The following CLCN5 variants were observed in gnomAD, a reference collection of about 807,000 sequenced individuals.
CLCN5 encodes Cl-/H+ antiporter 5.
CLCN5 carries 17 observed loss-of-function variants against 54.0 expected under a neutral mutation model. The ratio of observed to expected loss-of-function variants is 0.31; its 90% CI spans 0.22 to 0.47. The LOEUF (loss-of-function observed/expected upper bound fraction) is 0.47. CLCN5 is among the 20% of genes least tolerant of loss of function. CLCN5 has a pLI of 1.00. For synonymous variants in CLCN5, 222 were observed against 233.0 expected, an observed-to-expected ratio of 0.95 and a Z score of 0.43; for missense variants, 448 against 646.7, an observed-to-expected ratio of 0.69 and a Z score of 3.33.
intron 3 of CLCN5, among the ~76,000 whole-genome samples, chrX:49,947,289 T>C (rs1399940943): frequency 9.0e-6 from 1 of 111,292 alleles, no homozygotes; most frequent in Non-Finnish European, 1.9e-5. Flanking sequence ...ATTCATTGTG[T>C]GGGGCCTTCC....
chrX:49,928,857 G>A (rs991244798), intron 3 of CLCN5, among the ~76,000 whole-genome samples: 11 of 111,232 alleles, frequency 9.9e-5, no homozygotes, highest in Non-Finnish European at 7.6e-5. Flanking sequence ...CCCAGGAGGC[G>A]GAGCTTGCAG....
At chrX:49,968,986 AT>A (rs1338600134) in intron 3 of CLCN5, among the ~76,000 whole-genome samples, 3 of 108,733 alleles carry the variant, frequency 2.8e-5, no homozygotes, top group Non-Finnish European at 5.7e-5. Flanking sequence ...TTAATATTTT[AT>A]TTTTTTTTCT....
chrX:50,060,148 G>T (rs1159143118), intron 4 of CLCN5, among the ~76,000 whole-genome samples: 6 of 109,830 alleles, frequency 5.5e-5, no homozygotes. Flanking sequence ...GTCACGGGGG[G>T]AGGAGCCAAG....
At chrX:50,041,872 C>T (rs574597791) in intron 3 of CLCN5, among the ~76,000 whole-genome samples, 1 of 112,187 alleles carries the variant, frequency 8.9e-6, no homozygotes, top group South Asian at 3.7e-4. Flanking sequence ...AGATGTCCAT[C>T]AGCTGATGAA....
Position 49,974,947 on chromosome X carries a change from T to A in CLCN5, c.16+49633T>A, listed in dbSNP as rs182694529. 4.7e-3 allele frequency among the ~76,000 whole-genome samples: 524 copies of A among 112,013 alleles called. 5 individuals are homozygous for A. The highest frequency in any genetic ancestry group is 0.016 in the African/African-American group (494 of 30,803). On this transcript the variant is annotated intron_variant, in intron 3 of 14. Coordinates refer to ENST00000376091, the MANE Select transcript of CLCN5 (RefSeq NM_001127898.4). Reference sequence around the variant, plus strand: ...AATTTGAGGACATAATTCATTCAGCTGATATTTCATTGGCTTCTTTATACA... The same window carrying A: ...AATTTGAGGACATAATTCATTCAGCAGATATTTCATTGGCTTCTTTATACA...
At chrX:49,960,527 T>C (rs936779957) in intron 3 of CLCN5, among the ~76,000 whole-genome samples, 2 of 108,825 alleles carry the variant, frequency 1.8e-5, no homozygotes, top group African/African-American at 6.7e-5. Flanking sequence ...TCTAGTTATA[T>C]AGATTACCTG....
intron 3 of CLCN5, among the ~76,000 whole-genome samples, chrX:49,946,794 C>T (rs1360983462): frequency 1.8e-5 from 2 of 110,106 alleles, no homozygotes; most frequent in East Asian, 5.7e-4. Context: ...CTGAATCAGG[C>T]TAATTGAAGA....
In CLCN5 at chrX:50,086,762, T is replaced by C; in HGVS notation, c.1449T>C (p.Gly483=). The part of the protein sequence containing the change: ...YENRFNTSKG[G]ELPDRPAGVG... ...ACCGTTTCAACACAAGCAAAGGGGG[T>C]GAACTGCCTGACAGACCGGCTGGCG... The change falls in exon 11 of 15, where the codon GGT becomes GGC. Residue 483 remains glycine, a synonymous_variant. Transcript: ENST00000376091. 1 of 1,210,488 alleles carries C rather than the reference T, an allele frequency of 8.3e-7. No individual in the cohort carries two copies. Among genetic ancestry groups the C allele is most frequent in the Non-Finnish European group, 1.1e-6 (1 of 895,242 alleles).
At chrX:50,066,199 G>C (rs1557190825) in intron 4 of CLCN5, among the ~76,000 whole-genome samples, 1 of 79,684 alleles carries the variant, frequency 1.3e-5, no homozygotes, top group South Asian at 5.0e-4. Context: ...AGAAATTCCA[G>C]AGCAAAAAAA....
intron 6 of CLCN5, among the ~76,000 whole-genome samples, chrX:50,074,871 A>G (rs1933348382): frequency 8.9e-6 from 1 of 111,785 alleles, no homozygotes; most frequent in Non-Finnish European, 1.9e-5. Context: ...CTATTTCCCT[A>G]AAGCATGATT....
At chrX:50,067,843 A>G (rs1191518961) in intron 4 of CLCN5, 1 of 412,311 alleles carries the variant, frequency 2.4e-6, no homozygotes, top group Non-Finnish European at 3.0e-6. Context: ...AGTCTGTTGT[A>G]GGATTCTAAT....
intron 3 of CLCN5, among the ~76,000 whole-genome samples, chrX:49,960,238 C>G (rs1231443599): frequency 2.7e-5 from 3 of 111,112 alleles, no homozygotes; most frequent in Non-Finnish European, 5.7e-5. Flanking sequence ...TGCCAATCTC[C>G]AGACCTAGAT....
At chrX:50,089,720 G>A (rs1465454161) in intron 12 of CLCN5, among the ~76,000 whole-genome samples, 1 of 110,674 alleles carries the variant, frequency 9.0e-6, no homozygotes, top group Non-Finnish European at 1.9e-5. Flanking sequence ...ACCCCAATTC[G>A]ACAAAAAATA....
intron 3 of CLCN5, among the ~76,000 whole-genome samples, chrX:49,970,741 T>G (rs1928164804): frequency 8.9e-6 from 1 of 111,860 alleles, no homozygotes; most frequent in Non-Finnish European, 1.9e-5. Flanking sequence ...TGTTTTTGGG[T>G]GGACATATAT....
intron 4 of CLCN5, chrX:50,067,662 G>C (rs1933076648): frequency 1.3e-5 from 10 of 753,493 alleles, no homozygotes; most frequent in Non-Finnish European, 1.6e-5. Context: ...CTTCAGACTG[G>C]GGCTTCTTTT....
chrX:50,077,812 C>CAAAAAAAAAAAAAAA (rs35768604), intron 7 of CLCN5, among the ~76,000 whole-genome samples: 2 of 22,332 alleles, frequency 9.0e-5, no homozygotes, highest in Non-Finnish European at 6.8e-5. Flanking sequence ...CCTGTCTCTA[C>CAAAAAAAAAAAAAAA]AAAAAAAAAA....
chrX:50,079,391 G>A (rs1325920346), intron 7 of CLCN5, among the ~76,000 whole-genome samples: 1 of 111,693 alleles, frequency 9.0e-6, no homozygotes, highest in Non-Finnish European at 1.9e-5. Context: ...AAGTCCATTG[G>A]GTTTTGTATT....
At chrX:49,955,349 C>G (rs1927263591) in intron 3 of CLCN5, among the ~76,000 whole-genome samples, 1 of 110,393 alleles carries the variant, frequency 9.1e-6, no homozygotes, top group Non-Finnish European at 1.9e-5. Flanking sequence ...ATACACATAT[C>G]TGTAGACACC....
Position 50,086,830 on chromosome X carries a change from T to C in CLCN5, c.1517T>C (p.Ile506Thr), listed in dbSNP as rs782122886. 1.7e-6 allele frequency: 2 copies of C among 1,211,315 alleles called. No homozygotes were observed. The highest frequency in any genetic ancestry group is 2.3e-4 in the Middle Eastern group (1 of 4,316). The change falls in exon 11 of 15, where the codon ATA (isoleucine) becomes ACA (threonine). Residue 506 changes from isoleucine (I) to threonine (T), a missense_variant. Ile to Thr is a moderately conservative substitution (Grantham distance 89). Transcript: ENST00000376091. The part of the protein sequence containing the change: ...SAMWQLALTL[I>T]LKIVITIFTF... ...ATGTGGCAGCTGGCTTTAACACTCATACTGAAAATTGTCATTACTATATTC... is the reference window on the plus strand; with the variant it reads ...ATGTGGCAGCTGGCTTTAACACTCACACTGAAAATTGTCATTACTATATTC...
Sources: gnomAD v4.1 joint callset for allele counts (sites outside exome capture counted in the v4.1 genomes callset) on GRCh38, gnomAD v4.1.1 for gene constraint, MANE v1.5 for transcripts, NCBI Gene and HGNC (gene_info 2026-07-23, HGNC 2026-07-21) for gene names.